PLB1: variants seen among roughly 807,000 people sequenced by gnomAD.
The protein encoded by PLB1 is phospholipase B1, membrane-associated.
PLB1 carries 242 observed loss-of-function variants against 227.4 expected under a neutral mutation model. That is an observed-to-expected ratio of 1.06 (90% CI 0.96 to 1.18). The LOEUF (loss-of-function observed/expected upper bound fraction) is 1.18, where lower values mean the gene tolerates loss of function less well. Ranked by LOEUF, PLB1 falls within the 50% of genes most tolerant of loss-of-function variation. The pLI is 0.00. For missense variants in PLB1, 1,858 were observed against 1,816.3 expected, an observed-to-expected ratio of 1.02 and a Z score of -0.42; for synonymous variants, 757 against 682.2, an observed-to-expected ratio of 1.11 and a Z score of -1.71.
At chr2:28,582,016 T>C in intron 23 of PLB1, 52 bp from the exon 24 acceptor site, 1 of 1,531,702 alleles carries the variant, frequency 6.5e-7, no homozygotes, top group African/African-American at 1.4e-5. Context: ...CCCTGTTCTG[T>C]AGAGAGATTA....
intron 15 of PLB1, among the ~76,000 whole-genome samples, chr2:28,549,536 C>A (rs962308623): frequency 8.6e-5 from 13 of 151,040 alleles, no homozygotes; most frequent in Non-Finnish European, 1.5e-5. Flanking sequence ...CTGCCTCAGC[C>A]TCCCAAGTGG....
At chr2:28,539,252 T>A in intron 11 of PLB1, 74 bp downstream of exon 11, 2 of 1,328,230 alleles carry the variant, frequency 1.5e-6, no homozygotes, top group Admixed American at 3.5e-5. Flanking sequence ...GGGCCCTTCA[T>A]GTGCCGTAAT....
At chr2:28,621,752 C>T (rs1265311960) in intron 49 of PLB1, among the ~76,000 whole-genome samples, 1 of 152,152 alleles carries the variant, frequency 6.6e-6, no homozygotes, top group African/African-American at 2.4e-5. Flanking sequence ...CTCTAAGCCA[C>T]AGGAAGCGAT....
intron 50 of PLB1, among the ~76,000 whole-genome samples, chr2:28,625,524 C>T (rs1257343293): frequency 2.0e-5 from 3 of 151,790 alleles, no homozygotes; most frequent in South Asian, 4.2e-4. Flanking sequence ...TTTTTTTAAC[C>T]GTTCAGTGTT....
At chr2:28,603,450 T>C (rs1684207787) in intron 39 of PLB1, among the ~76,000 whole-genome samples, 2 of 152,168 alleles carry the variant, frequency 1.3e-5, no homozygotes, top group East Asian at 3.8e-4. Flanking sequence ...GAACTTCCTG[T>C]GTACCAGGCA....
intron 1 of PLB1, among the ~76,000 whole-genome samples, 186 bp from the exon 2 acceptor site, chr2:28,516,622 A>G (rs1668879571): frequency 6.6e-6 from 1 of 152,170 alleles, no homozygotes. Flanking sequence ...GGTTGTGTTA[A>G]TGGAAGCACG....
chr2:28,566,713 G>T (rs1366110670), intron 19 of PLB1, 83 bp from the exon 20 acceptor site: 2 of 1,469,278 alleles, frequency 1.4e-6, no homozygotes, highest in South Asian at 2.3e-5. Flanking sequence ...CTCGGGAGAC[G>T]GGCGTTTCTG....
At chr2:28,506,806 G>A (rs1263300475) in intron 1 of PLB1, among the ~76,000 whole-genome samples, 1 of 152,220 alleles carries the variant, frequency 6.6e-6, no homozygotes, top group East Asian at 1.9e-4. Context: ...CTGGATCATA[G>A]GAAGGGGCCC....
chr2:28,501,604 T>C (rs1388606026), intron 1 of PLB1, among the ~76,000 whole-genome samples: 1 of 152,146 alleles, frequency 6.6e-6, no homozygotes, highest in African/African-American at 2.4e-5. Context: ...CCCATCCCCT[T>C]CCCCTACCCT....
Position 28,627,564 on chromosome 2 carries a change from C to T in PLB1, c.3661-999C>T, listed in dbSNP as rs138929629. 4.8e-3 allele frequency among the ~76,000 whole-genome samples: 732 copies of T among 152,304 alleles called. 3 individuals carry two copies. The highest frequency in any genetic ancestry group is 7.1e-3 in the Non-Finnish European group (480 of 68,022). On this transcript the variant is annotated intron_variant, in intron 51 of 57. Coordinates refer to ENST00000327757, the MANE Select transcript of PLB1 (RefSeq NM_153021.5). The stretch of plus-strand genomic sequence containing the variant: ...GAAACTCTGGGAGACACGAGGTCCC[C>T]TCTCCTCTATTTTAACTCTTCGGCA...
intron 49 of PLB1, among the ~76,000 whole-genome samples, chr2:28,622,818 G>A (rs1687218285): frequency 6.6e-6 from 1 of 152,144 alleles, no homozygotes; most frequent in Non-Finnish European, 1.5e-5. Flanking sequence ...CCCAGGAAGT[G>A]GAGGCTGCAG....
In PLB1 at chr2:28,636,255, C is replaced by T. The variant is rs940065941; in HGVS notation, c.4098+3216C>T. Among the ~76,000 whole-genome samples, 8 of 152,266 alleles carry T rather than the reference C, an allele frequency of 5.3e-5. No homozygotes were observed. The Middle Eastern group carries it at 0.014, about 259-fold the overall frequency. On this transcript the variant is annotated intron_variant, in intron 56 of 57. Coordinates refer to ENST00000327757, the MANE Select transcript of PLB1 (RefSeq NM_153021.5). ...TGTATTTTTAGTAGAGACAAGGTTTCGCCATGTTGGCCAGGCCAGGCTGGT... is the reference window on the plus strand; with the variant it reads ...TGTATTTTTAGTAGAGACAAGGTTTTGCCATGTTGGCCAGGCCAGGCTGGT...
In PLB1 at chr2:28,529,788, C is replaced by A; in HGVS notation, c.468+9C>A. The A allele has an allele frequency of 1.2e-6, 2 of 1,613,898 alleles. No individual in the cohort carries two copies. Among genetic ancestry groups the A allele is most frequent in the Non-Finnish European group, 1.7e-6 (2 of 1,179,782 alleles). On this transcript the variant is annotated intron_variant, in intron 8 of 57. Coordinates refer to ENST00000327757, the MANE Select transcript of PLB1 (RefSeq NM_153021.5). ...ACATGAAAGAGAACCTGGTAAGCAT[C>A]CGTCCAACTCTGGCATGGCTGGGCT...
At chr2:28,624,435 G>A (rs752975163) in intron 49 of PLB1, among the ~76,000 whole-genome samples, 2 of 151,926 alleles carry the variant, frequency 1.3e-5, no homozygotes, top group Admixed American at 6.6e-5. Flanking sequence ...CATTCATATC[G>A]CTCATCCAGA....
intron 20 of PLB1, among the ~76,000 whole-genome samples, chr2:28,567,799 T>G (rs1346539263): frequency 2.0e-5 from 3 of 152,214 alleles, no homozygotes; most frequent in Admixed American, 6.5e-5. Flanking sequence ...GGTCTGATCT[T>G]ATCTTTTTAA....
At chr2:28,527,594 C>T (rs1670444413) in intron 6 of PLB1, among the ~76,000 whole-genome samples, 1 of 152,160 alleles carries the variant, frequency 6.6e-6, no homozygotes, top group Admixed American at 6.5e-5. Flanking sequence ...TTGTGGGTGG[C>T]AAAGCTGAGT....
chr2:28,530,779 C>A (rs533195063), intron 8 of PLB1, among the ~76,000 whole-genome samples: 2 of 152,158 alleles, frequency 1.3e-5, no homozygotes, highest in African/African-American at 2.4e-5. Context: ...TGCATTAAAG[C>A]GTTCAGGAAG....
intron 23 of PLB1, among the ~76,000 whole-genome samples, chr2:28,580,713 C>CAA (rs35119977): frequency 5.6e-4 from 77 of 137,900 alleles, no homozygotes; most frequent in African/African-American, 2.0e-3. Context: ...GACTCCATCT[C>CAA]AAAAAAAAAA....
chr2:28,600,714 G>A, intron 35 of PLB1, 95 bp from the exon 36 acceptor site: 2 of 1,164,268 alleles, frequency 1.7e-6, no homozygotes, highest in Non-Finnish European at 2.6e-6. Context: ...CATGCAGTGG[G>A]GATGATACTG....
Sources: gnomAD v4.1 joint callset for allele counts (sites outside exome capture counted in the v4.1 genomes callset) on GRCh38, gnomAD v4.1.1 for gene constraint, MANE v1.5 for transcripts, NCBI Gene and HGNC (gene_info 2026-07-23, HGNC 2026-07-21) for gene names.